PLD5: variants seen among roughly 807,000 people sequenced by gnomAD.
PLD5 encodes the protein phospholipase D family member 5, also known as inactive phospholipase D5.
In PLD5, 36 loss-of-function variants were observed where a neutral mutation model predicts 61.1. The observed-to-expected ratio is 0.59, with a 90% CI of 0.45 to 0.78. The LOEUF is 0.78. Among genes scored for constraint, PLD5 ranks in the 30% least tolerant of loss-of-function variants. The pLI, the probability that PLD5 is intolerant of heterozygous loss-of-function variation, is 0.00. For missense variants in PLD5, 515 were observed against 644.4 expected (o/e 0.80, Z 2.17); for synonymous variants, 243 against 242.8 (o/e 1.00, Z -0.01).
chr1:242,257,349 G>A (rs150368732), intron 4 of PLD5, among the ~76,000 whole-genome samples: 1 of 152,096 alleles, frequency 6.6e-6, no homozygotes, highest in African/African-American at 2.4e-5. Context: ...GAGAAGGGAG[G>A]GGGAAGAAAA....
intron 1 of PLD5, among the ~76,000 whole-genome samples, chr1:242,483,635 C>T (rs1171702038): frequency 6.6e-6 from 1 of 152,152 alleles, no homozygotes; most frequent in Non-Finnish European, 1.5e-5. Context: ...CCACTGTCAA[C>T]ATTAGACAGA....
At chr1:242,452,788 C>T (rs1666827158) in intron 1 of PLD5, among the ~76,000 whole-genome samples, 1 of 152,174 alleles carries the variant, frequency 6.6e-6, no homozygotes, top group Admixed American at 6.5e-5. Flanking sequence ...TGCACACCAG[C>T]CTGGGTGGCC....
At chr1:242,438,449 T>TC (rs1270429613) in intron 1 of PLD5, among the ~76,000 whole-genome samples, 1 of 147,378 alleles carries the variant, frequency 6.8e-6, no homozygotes, top group African/African-American at 2.5e-5. Context: ...CTTTTTTTTT[T>TC]TTTTTTTTTT....
At chr1:242,102,265 T>C (rs1660747477) in intron 8 of PLD5, among the ~76,000 whole-genome samples, 1 of 152,190 alleles carries the variant, frequency 6.6e-6, no homozygotes, top group South Asian at 2.1e-4. Context: ...ATATACATCT[T>C]GAGTTAAGTC....
At chr1:242,102,927 G>T (rs1660792673) in intron 8 of PLD5, among the ~76,000 whole-genome samples, 1 of 152,174 alleles carries the variant, frequency 6.6e-6, no homozygotes, top group East Asian at 1.9e-4. Flanking sequence ...TTGCAATGAT[G>T]GATGCTACTT....
chr1:242,374,310 T>G (rs10754763), intron 1 of PLD5, among the ~76,000 whole-genome samples: 1 of 152,184 alleles, frequency 6.6e-6, no homozygotes, highest in African/African-American at 2.4e-5. Flanking sequence ...GGTTTACATA[T>G]GCGTTCTTCC....
intron 1 of PLD5, among the ~76,000 whole-genome samples, chr1:242,420,372 A>T (rs900712471): frequency 6.6e-6 from 1 of 152,136 alleles, no homozygotes; most frequent in African/African-American, 2.4e-5. Flanking sequence ...AGGCAAAGTC[A>T]GCACTTCATT....
chr1:242,158,548 G>C (rs1055267936), intron 5 of PLD5, among the ~76,000 whole-genome samples: 1 of 152,096 alleles, frequency 6.6e-6, no homozygotes, highest in Non-Finnish European at 1.5e-5. Flanking sequence ...GTCCCCCACA[G>C]CTTACCTTCG....
At chr1:242,343,811 G>A (rs1409036017) in intron 2 of PLD5, among the ~76,000 whole-genome samples, 1 of 151,642 alleles carries the variant, frequency 6.6e-6, no homozygotes. Context: ...GAGACTTCAA[G>A]ATGCTGCAGG....
chr1:242,343,802 A>G (rs1659977123), intron 2 of PLD5, among the ~76,000 whole-genome samples: 1 of 151,290 alleles, frequency 6.6e-6, no homozygotes, highest in Non-Finnish European at 1.5e-5. Context: ...AATTCAAGTG[A>G]GACTTCAAGA....
intron 4 of PLD5, among the ~76,000 whole-genome samples, chr1:242,239,499 T>G (rs1398002772): frequency 1.3e-5 from 2 of 152,140 alleles, no homozygotes; most frequent in African/African-American, 4.8e-5. Context: ...CTTTCCTTTA[T>G]GTGTGTGGCT....
intron 2 of PLD5, among the ~76,000 whole-genome samples, chr1:242,293,643 C>T (rs1022714784): frequency 1.3e-5 from 2 of 152,002 alleles, no homozygotes; most frequent in African/African-American, 4.8e-5. Context: ...ACTGTATTAC[C>T]GTTATTTGGT....
chr1:242,221,902 AACAAAGT>A, intron 4 of PLD5, among the ~76,000 whole-genome samples: 1 of 152,284 alleles, frequency 6.6e-6, no homozygotes, highest in East Asian at 1.9e-4. Flanking sequence ...GGTCTGCTAT[AACAAAGT>A]ACCCTAATCT....
chr1:242,187,887 A>G (rs1271534986), intron 5 of PLD5, among the ~76,000 whole-genome samples: 1 of 152,186 alleles, frequency 6.6e-6, no homozygotes, highest in African/African-American at 2.4e-5. Flanking sequence ...CGGGGCCACA[A>G]AAGTTACAGT....
At chr1:242,449,276 G>A in intron 1 of PLD5, 1 of 1,521,250 alleles carries the variant, frequency 6.6e-7, no homozygotes. Context: ...GCTACCAACA[G>A]CCATTTTCAC....
At chr1:242,092,437 G>A (rs1659909084) in intron 9 of PLD5, among the ~76,000 whole-genome samples, 1 of 152,122 alleles carries the variant, frequency 6.6e-6, no homozygotes, top group Non-Finnish European at 1.5e-5. Context: ...CAGACTGTAT[G>A]ATAAACCAGG....
rs377103673 is a variant in PLD5 at position 242,410,733 on chromosome 1, C to T, written c.190-62491G>A. Among the ~76,000 whole-genome samples the T allele has an allele frequency of 2.0e-5, 3 of 152,048 alleles. No individual in the cohort carries two copies. The East Asian group carries it at 5.8e-4, about 30-fold the overall frequency. On this transcript the variant is annotated intron_variant, in intron 1 of 9. Transcript: ENST00000536534. ...TGAGCATGTGGGAGTTATTTATATC[C>T]TACTGCTCAAGGTCATCGCCAAGCA...
Position 242,086,591 on chromosome 1 carries a change from G to A in PLD5, c.*3263C>T, listed in dbSNP as rs571209199. On this transcript the variant is annotated 3_prime_UTR_variant, in exon 10 of 10. Coordinates refer to ENST00000536534, the MANE Select transcript of PLD5 (RefSeq NM_001372062.1). ...TGCAATGATTTGATTTGGCGGGGGG[G>A]TGGATAAAGGTGATGGGGCTTGGGA... The A allele has an allele frequency of 6.6e-6, 1 of 152,300 alleles. No homozygotes were observed. Among genetic ancestry groups the A allele is most frequent in the African/African-American group, 2.4e-5 (1 of 41,518 alleles). The allele number at this position is 152,300 out of a possible 1,614,324, so 9.4% of individuals were successfully genotyped here.
chr1:242,120,393 T>G (rs538955248), intron 6 of PLD5, among the ~76,000 whole-genome samples: 1 of 152,152 alleles, frequency 6.6e-6, no homozygotes, highest in Non-Finnish European at 1.5e-5. Flanking sequence ...CCTCAAGTGA[T>G]CAGCCAGCTT....
Sources: gnomAD v4.1 joint callset for allele counts (sites outside exome capture counted in the v4.1 genomes callset) on GRCh38, gnomAD v4.1.1 for gene constraint, MANE v1.5 for transcripts, NCBI Gene and HGNC (gene_info 2026-07-23, HGNC 2026-07-21) for gene names.